Variants in FAM47E observed in about 807,000 individuals in gnomAD.
FAM47E encodes the protein family with sequence similarity 47 member E.
Under a neutral mutation model 41.6 loss-of-function variants are expected in FAM47E, and 32 were observed. The ratio of observed to expected loss-of-function variants is 0.77; its 90% CI spans 0.58 to 1.03. The LOEUF is 1.03. FAM47E is among the 50% of genes least tolerant of loss of function. The pLI is 0.00. For missense variants in FAM47E, 424 were observed against 485.4 expected, an observed-to-expected ratio of 0.87 and a Z score of 1.19; for synonymous variants, 184 against 188.7, an observed-to-expected ratio of 0.98 and a Z score of 0.20.
intron 2 of FAM47E, among the ~76,000 whole-genome samples, chr4:76,261,690 G>C (rs1207078400): frequency 6.6e-6 from 1 of 152,120 alleles, no homozygotes; most frequent in African/African-American, 2.4e-5. Context: ...TTAGGAGGGT[G>C]TTGAGGATTC....
At chr4:76,220,500 A>T (rs1578748655) in intron 2 of FAM47E, among the ~76,000 whole-genome samples, 1 of 152,222 alleles carries the variant, frequency 6.6e-6, no homozygotes, top group East Asian at 1.9e-4. Context: ...GGTGGCATGC[A>T]CCTATAGTCC....
chr4:76,233,063 A>G (rs1285246691), intron 2 of FAM47E, among the ~76,000 whole-genome samples: 1 of 152,110 alleles, frequency 6.6e-6, no homozygotes, highest in Non-Finnish European at 1.5e-5. Context: ...TTACATTTCC[A>G]TGCTTCCTTA....
chr4:76,256,610 G>A (rs1029477639), intron 2 of FAM47E, 87 bp downstream of exon 2: 2 of 1,406,366 alleles, frequency 1.4e-6, no homozygotes, highest in Admixed American at 5.5e-5. Context: ...CCCATGAGAG[G>A]GTGACATATT....
chr4:76,229,081 G>C (rs1200335540), intron 2 of FAM47E, among the ~76,000 whole-genome samples: 1 of 151,962 alleles, frequency 6.6e-6, no homozygotes, highest in African/African-American at 2.4e-5. Context: ...CAAAAGCCTT[G>C]TTTTCAAGCT....
At chr4:76,272,590 G>T (rs1734937733) in intron 5 of FAM47E, among the ~76,000 whole-genome samples, 1 of 152,010 alleles carries the variant, frequency 6.6e-6, no homozygotes, top group African/African-American at 2.4e-5. Flanking sequence ...CATTGCATAC[G>T]GTTTATGAAA....
At chr4:76,279,173 T>C (rs1735249479) in intron 6 of FAM47E, 1 of 152,186 alleles carries the variant, frequency 6.6e-6, no homozygotes, top group Admixed American at 6.5e-5. Context: ...ATTATGTAAA[T>C]AATGTTTGGC....
At chr4:76,245,565 A>C (rs1298619569) in intron 2 of FAM47E, among the ~76,000 whole-genome samples, 1 of 152,166 alleles carries the variant, frequency 6.6e-6, no homozygotes, top group African/African-American at 2.4e-5. Context: ...AGCCGAACCC[A>C]GCCCCCAGTG....
At chr4:76,219,687 G>T (rs557347962) in intron 2 of FAM47E, among the ~76,000 whole-genome samples, 1 of 152,108 alleles carries the variant, frequency 6.6e-6, no homozygotes, top group East Asian at 1.9e-4. Context: ...AGCCTGGAGT[G>T]GTGGGGAGAA....
Position 76,251,723 on chromosome 4 carries a change from G to A in FAM47E, c.-24G>A. On this transcript the variant is annotated 5_prime_UTR_variant, in exon 1 of 8. Transcript: ENST00000424749. ...GCACACACACCGCCCAAGCCCGGAC[G>A]GTGGCCGCGAAGCTAGGGCCACCAT... The A allele has an allele frequency of 6.8e-7, 1 of 1,468,892 alleles. No individual in the cohort carries two copies. The highest frequency in any genetic ancestry group is 9.0e-7 in the Non-Finnish European group (1 of 1,116,700). 91.0% of individuals were successfully genotyped at this position (1,468,892 alleles called of 1,614,324 possible). A position where few individuals can be genotyped will look rare whatever the true frequency, so the allele number is the denominator to read the frequency against.
At chr4:76,229,372 C>T (rs947033263) in intron 2 of FAM47E, among the ~76,000 whole-genome samples, 1 of 152,110 alleles carries the variant, frequency 6.6e-6, no homozygotes, top group African/African-American at 2.4e-5. Flanking sequence ...GGTTTGAATC[C>T]ATTGCTAGGG....
intron 1 of FAM47E, 133 bp from the exon 2 acceptor site, chr4:76,256,045 C>A: frequency 1.0e-6 from 1 of 1,002,060 alleles, no homozygotes; most frequent in Non-Finnish European, 1.4e-6. Flanking sequence ...CAGTGAATCC[C>A]ACTTCCCCTA....
rs1482598472 is a variant in FAM47E, at chr4:76,282,383, G to A, written c.1105-998G>A. The A allele has an allele frequency of 5.3e-5, 8 of 152,216 alleles. No homozygotes were observed. The South Asian group carries it at 6.2e-4, about 12-fold the overall frequency. 9.4% of individuals were successfully genotyped at this position (152,216 alleles called of 1,614,324 possible). On this transcript the variant is annotated intron_variant, in intron 7 of 7. Coordinates refer to ENST00000424749, the MANE Select transcript of FAM47E (RefSeq NM_001136570.3). ...CCATATGGACAGGCGCCCCCCATGT[G>A]TCCGTTTATAGGCTTTCCACAAGGG...
intron 2 of FAM47E, among the ~76,000 whole-genome samples, chr4:76,228,406 A>G (rs1733436534): frequency 6.6e-6 from 1 of 151,656 alleles, no homozygotes; most frequent in East Asian, 1.9e-4. Flanking sequence ...TTGAACCCGG[A>G]AGGTGAAGGT....
Position 76,271,747 on chromosome 4 carries a change from G to A in FAM47E, c.849G>A (p.Glu283=). 1 of 1,551,592 alleles carries A rather than the reference G, an allele frequency of 6.4e-7. No homozygotes were observed. Among genetic ancestry groups the A allele is most frequent in the Non-Finnish European group, 8.7e-7 (1 of 1,146,932 alleles). The change falls in exon 5 of 8, where the codon GAG becomes GAA. Residue 283 remains glutamate (E), a synonymous_variant. Coordinates refer to ENST00000424749, the MANE Select transcript of FAM47E (RefSeq NM_001136570.3). ...AGTTCTTCCAGAAACTAGGCTATGA[G>A]AGGAAACTCCAGAAACCACAGGTAA... ...ETEFFQKLGY[E]RKLQKPQNPY...
At chr4:76,276,069 C>CACACACACA (rs869240236) in intron 5 of FAM47E, among the ~76,000 whole-genome samples, 1 of 149,794 alleles carries the variant, frequency 6.7e-6, no homozygotes, top group Non-Finnish European at 1.5e-5. Flanking sequence ...CACACACACA[C>CACACACACA]CCCTCCCCTA....
exon 1 of FAM47E, chr4:76,214,310 G>GC (rs1187377149): frequency 6.6e-6 from 3 of 456,176 alleles, no homozygotes; most frequent in Non-Finnish European, 1.3e-5. Context: ...ATGACCTAGG[G>GC]CCCCACATTG....
At chr4:76,270,910 T>G (rs13151765) in intron 4 of FAM47E, among the ~76,000 whole-genome samples, 54,371 of 152,014 alleles carry the variant, frequency 0.36, 10,300 homozygotes, top group Admixed American at 0.42. Context: ...TCCCTTTATG[T>G]CCCTGATTCT....
chr4:76,271,442 C>A, intron 4 of FAM47E, 126 bp from the exon 5 acceptor site: 3 of 1,117,774 alleles, frequency 2.7e-6, no homozygotes, highest in Non-Finnish European at 3.8e-6. Flanking sequence ...TCAATGAATG[C>A]TGACTGAGCA....
intron 2 of FAM47E, among the ~76,000 whole-genome samples, chr4:76,228,474 A>C (rs895824919): frequency 6.7e-6 from 1 of 150,066 alleles, no homozygotes; most frequent in Non-Finnish European, 1.5e-5. Context: ...GTAAGCCTCC[A>C]TCTTAAAAAA....
Sources: allele counts gnomAD v4.1 joint callset (sites outside exome capture counted in the v4.1 genomes callset), GRCh38; gene constraint gnomAD v4.1.1; transcripts MANE v1.5; gene names NCBI Gene and HGNC (gene_info 2026-07-23, HGNC 2026-07-21).